CRLS1: variants seen among roughly 807,000 people sequenced by gnomAD.
CRLS1 encodes cardiolipin synthase (CMP-forming).
In CRLS1, 24 loss-of-function variants were observed where a neutral mutation model predicts 37.0. The observed-to-expected ratio is 0.65, with a 90% CI of 0.47 to 0.91. The LOEUF is 0.91. CRLS1 is among the 40% of genes least tolerant of loss of function. The probability of loss-of-function intolerance (pLI) is 0.00; values close to 1 mark genes in which losing one functional copy is unlikely to be tolerated. For missense variants in CRLS1, 373 were observed against 395.8 expected, an observed-to-expected ratio of 0.94 and a Z score of 0.49; for synonymous variants, 135 against 159.7, an observed-to-expected ratio of 0.85 and a Z score of 1.17.
At chr20:6,018,216 C>CAAAAA (rs57874755) in intron 3 of CRLS1, among the ~76,000 whole-genome samples, 33,718 of 77,600 alleles carry the variant, frequency 0.43, 7,257 homozygotes, top group Middle Eastern at 0.59. Context: ...ACTCTGTCCT[C>CAAAAA]AAAAAAAAAA....
chr20:6,036,960 A>T, intron 6 of CRLS1, 114 bp from the exon 7 acceptor site: 1 of 715,580 alleles, frequency 1.4e-6, no homozygotes, highest in African/African-American at 1.8e-5. Flanking sequence ...AGCCCTTTTT[A>T]CTTTTTAAAT....
intron 3 of CRLS1, among the ~76,000 whole-genome samples, chr20:6,017,939 C>T (rs765408672): frequency 7.9e-5 from 12 of 152,020 alleles, no homozygotes; most frequent in East Asian, 1.9e-4. Context: ...ATTTTCTGGC[C>T]GGGCACAATG....
chr20:6,006,429 C>T lies in CRLS1; in HGVS notation c.183C>T (p.Pro61=), dbSNP rs1334390361. Residue 61 remains proline, a synonymous_variant, in exon 1 of 7, where the codon CCC becomes CCT. Transcript: ENST00000378863. The stretch of plus-strand genomic sequence containing the variant: ...CGGCCGCTCTTGGCTTGCGGCTGCC[C>T]GGGATCGGCCAGCGGAACCACTGTT... ...LRPAALGLRL[P]GIGQRNHCSG... 2.8e-6 allele frequency: 4 copies of T among 1,406,156 alleles called. No individual in the cohort carries two copies. Among genetic ancestry groups the T allele is most frequent in the Non-Finnish European group, 3.7e-6 (4 of 1,080,572 alleles). 87.1% of individuals were successfully genotyped at this position (1,406,156 alleles called of 1,614,324 possible).
rs752237007 is a variant in CRLS1, at chr20:6,015,500, C to T, written c.574+10C>T. Reference sequence around the variant, plus strand: ...GCAGATCTTATTCCAGGTAAGAACGCGTCATGCGTACTTTTGAATAGCACA... The same window carrying T: ...GCAGATCTTATTCCAGGTAAGAACGTGTCATGCGTACTTTTGAATAGCACA... On this transcript the variant is annotated intron_variant, in intron 3 of 6. Transcript: ENST00000378863. 43 of 1,611,960 alleles carry T rather than the reference C, an allele frequency of 2.7e-5. No individual in the cohort carries two copies. The highest frequency in any genetic ancestry group is 7.7e-5 in the South Asian group (7 of 91,032).
In CRLS1 at chr20:6,006,440, A is replaced by G; in HGVS notation, c.194A>G (p.Gln65Arg). ...GGCTTGCGGCTGCCCGGGATCGGCC[A>G]GCGGAACCACTGTTCGGGCGCGGGG... Reference protein sequence around the residue: ...ALGLRLPGIGQRNHCSGAGKA... With the variant: ...ALGLRLPGIGRRNHCSGAGKA... Residue 65 changes from glutamine to arginine, a missense_variant, in exon 1 of 7, where the codon CAG becomes CGG. Transcript: ENST00000378863. 1 of 1,407,152 alleles carries G rather than the reference A, an allele frequency of 7.1e-7. No homozygotes were observed. The highest frequency in any genetic ancestry group is 9.2e-7 in the Non-Finnish European group (1 of 1,081,464). The allele number at this position is 1,407,152 out of a possible 1,614,324, so 87.2% of individuals were successfully genotyped here.
chr20:6,010,574 A>G (rs918896644), intron 2 of CRLS1, among the ~76,000 whole-genome samples: 4 of 152,258 alleles, frequency 2.6e-5, no homozygotes, highest in African/African-American at 9.6e-5. Flanking sequence ...TTGATACTAC[A>G]TTGTTAGTTT....
At chr20:6,011,631 G>T (rs548599426) in intron 2 of CRLS1, among the ~76,000 whole-genome samples, 1 of 106,756 alleles carries the variant, frequency 9.4e-6, no homozygotes, top group African/African-American at 3.5e-5. Flanking sequence ...TGTCGCCCAG[G>T]CTGGAGTGCA....
At chr20:6,011,550 T>C (rs1353652598) in intron 2 of CRLS1, among the ~76,000 whole-genome samples, 3 of 147,904 alleles carry the variant, frequency 2.0e-5, no homozygotes, top group Non-Finnish European at 4.5e-5. Flanking sequence ...CTCACAATCT[T>C]TCTCCTTTTC....
chr20:6,016,655 A>T (rs1199306256), intron 3 of CRLS1, among the ~76,000 whole-genome samples: 1 of 152,224 alleles, frequency 6.6e-6, no homozygotes, highest in Non-Finnish European at 1.5e-5. Flanking sequence ...TTGCTATTGA[A>T]CATAGAAATT....
chr20:6,032,709 A>G (rs1980263113), intron 5 of CRLS1, among the ~76,000 whole-genome samples: 1 of 152,254 alleles, frequency 6.6e-6, no homozygotes, highest in African/African-American at 2.4e-5. Flanking sequence ...ATTCAGGGCA[A>G]TAAGTATATG....
chr20:6,018,977 A>G lies in CRLS1; in HGVS notation c.574+3487A>G, dbSNP rs117810203. ...TGTGGAAGATTTCAAATTTTAATTC[A>G]TGAGATTGGCTTGGAATTCTTCATA... On this transcript the variant is annotated intron_variant, in intron 3 of 6. Coordinates refer to ENST00000378863, the MANE Select transcript of CRLS1 (RefSeq NM_019095.6). Among the ~76,000 whole-genome samples, 637 of 152,304 alleles carry G rather than the reference A, an allele frequency of 4.2e-3. 2 individuals carry two copies. Among genetic ancestry groups the G allele is most frequent in the Non-Finnish European group, 7.7e-3 (523 of 68,020 alleles).
chr20:6,011,395 G>T (rs1408652104), intron 2 of CRLS1, among the ~76,000 whole-genome samples: 2 of 151,886 alleles, frequency 1.3e-5, no homozygotes, highest in Non-Finnish European at 1.5e-5. Flanking sequence ...ATTAACAGAA[G>T]ATTTTGGAGT....
chr20:6,009,988 C>G, intron 2 of CRLS1, 76 bp downstream of exon 2: 2 of 1,341,376 alleles, frequency 1.5e-6, no homozygotes, highest in Non-Finnish European at 2.0e-6. Context: ...ATAGCATAGC[C>G]TTAGCCTGCT....
At position 6,031,093 on chromosome 20, in the gene CRLS1, G is replaced by A. The variant is rs74586341; in HGVS notation, c.575-192G>A. 5.8e-3 allele frequency: 2,571 copies of A among 444,186 alleles called. 70 individuals carry two copies. The highest frequency in any genetic ancestry group is 0.048 in the African/African-American group (2,382 of 49,222). The allele number at this position is 444,186 out of a possible 1,614,324, so 27.5% of individuals were successfully genotyped here. ...CTGTACTTCACTTTGTTTTGAGGGC[G>A]GGTTAAAGAAGAATATAAAAATCAG... On this transcript the variant is annotated intron_variant, in intron 3 of 6. Transcript: ENST00000378863.
intron 1 of CRLS1, among the ~76,000 whole-genome samples, chr20:6,008,684 G>A (rs1479458997): frequency 6.6e-6 from 1 of 152,196 alleles, no homozygotes; most frequent in Admixed American, 6.5e-5. Flanking sequence ...TCTTCTAGCA[G>A]TTCTCTGACT....
At position 6,038,300 on chromosome 20, in the gene CRLS1, C is replaced by T. The variant is rs1167059090; in HGVS notation, c.*1142C>T. The T allele has an allele frequency of 2.6e-5, 4 of 152,258 alleles. No individual in the cohort carries two copies. The highest frequency in any genetic ancestry group is 9.7e-5 in the African/African-American group (4 of 41,442). The allele number at this position is 152,258 out of a possible 1,614,324, so 9.4% of individuals were successfully genotyped here. A position where few individuals can be genotyped will look rare whatever the true frequency, so the allele number is the denominator to read the frequency against. On this transcript the variant is annotated 3_prime_UTR_variant, in exon 7 of 7. Transcript: ENST00000378863. The stretch of plus-strand genomic sequence containing the variant: ...GCTTAACCTATGGCCTATTGCTGCC[C>T]ATTGTCCCTGGTTTTAATCCAAGCC...
intron 3 of CRLS1, among the ~76,000 whole-genome samples, chr20:6,019,175 T>A (rs1979009228): frequency 6.6e-6 from 1 of 152,224 alleles, no homozygotes; most frequent in Non-Finnish European, 1.5e-5. Flanking sequence ...GGCAGAGTTT[T>A]AAAATAGGTA....
chr20:6,021,319 G>A (rs770801483), intron 3 of CRLS1, among the ~76,000 whole-genome samples: 2 of 151,712 alleles, frequency 1.3e-5, no homozygotes, highest in Non-Finnish European at 2.9e-5. Context: ...TGCCCGCCTC[G>A]GCCTCCCAAA....
intron 3 of CRLS1, among the ~76,000 whole-genome samples, chr20:6,018,366 A>G (rs902003088): frequency 3.3e-5 from 5 of 152,070 alleles, no homozygotes; most frequent in Non-Finnish European, 7.4e-5. Flanking sequence ...GATTTTTTAC[A>G]TGCTTATTTA....
Sources: gnomAD v4.1 joint callset for allele counts (sites outside exome capture counted in the v4.1 genomes callset) on GRCh38, gnomAD v4.1.1 for gene constraint, MANE v1.5 for transcripts, NCBI Gene and HGNC (gene_info 2026-07-23, HGNC 2026-07-21) for gene names.